The following KIF1A variants were observed in gnomAD, a reference collection of about 807,000 sequenced individuals.
The protein encoded by KIF1A is kinesin family member 1A, also known as kinesin-like protein KIF1A.
Under a neutral mutation model 227.3 loss-of-function variants are expected in KIF1A, and 46 were observed. The observed-to-expected ratio is 0.20, with a 90% CI of 0.16 to 0.26. The LOEUF (loss-of-function observed/expected upper bound fraction) is 0.26. KIF1A is among the 10% of genes least tolerant of loss of function. The probability of loss-of-function intolerance (pLI) is 1.00; values close to 1 mark genes in which losing one functional copy is unlikely to be tolerated. For missense variants in KIF1A, 1,683 were observed against 2,485.9 expected (o/e 0.68, Z 6.87); for synonymous variants, 1,022 against 1,012.8 (o/e 1.01, Z -0.17).
Position 240,714,164 on chromosome 2 carries a change from C to T in KIF1A, c.*3200G>A, listed in dbSNP as rs1575504964. 6.6e-6 allele frequency: 1 copy of T among 152,496 alleles called. No homozygotes were observed. The highest frequency in any genetic ancestry group is 2.4e-5 in the African/African-American group (1 of 41,460). 9.4% of individuals were successfully genotyped at this position (152,496 alleles called of 1,614,324 possible). On this transcript the variant is annotated 3_prime_UTR_variant, in exon 49 of 49. Coordinates refer to ENST00000498729, the MANE Select transcript of KIF1A (RefSeq NM_001244008.2). ...CAGTAAACACCTGTGACATCAGCCC[C>T]ACCAGGGCCCCAGGTGCTGGGGACT...
In KIF1A at chr2:240,726,961, A is replaced by G; in HGVS notation, c.4008-21T>C. The G allele has an allele frequency of 6.7e-7, 1 of 1,483,388 alleles. No individual in the cohort carries two copies. The highest frequency in any genetic ancestry group is 9.3e-7 in the Non-Finnish European group (1 of 1,072,620). 91.9% of individuals were successfully genotyped at this position (1,483,388 alleles called of 1,614,324 possible). A position where few individuals can be genotyped will look rare whatever the true frequency, so the allele number is the denominator to read the frequency against. On this transcript the variant is annotated intron_variant, in intron 38 of 48. Transcript: ENST00000498729. The surrounding 1 kb of genome is among the most constrained non-coding windows in gnomAD (Gnocchi z 5.2). ...AGGTCCTGAAAGGAAGCAGAGACAA[A>G]GTAGAAGTTGATGGCGTGGGGGCTG...
chr2:240,725,396 G>C lies in KIF1A; in HGVS notation c.4131C>G (p.Asn1377Lys), dbSNP rs562072254. The stretch of plus-strand genomic sequence containing the variant: ...TGGTGACAACAGCCGGCTGGGTGCA[G>C]TTCTCCATCTGAGATAGGCGGGAGC... ...MTLSAYIEME[N>K]CTQPAVVTKD... The change falls in exon 40 of 49, where the codon AAC (asparagine) becomes AAG (lysine). Residue 1377 changes from asparagine (N) to lysine (K), a missense_variant. Physicochemically the swap from Asn to Lys is moderately conservative, Grantham distance 94. Coordinates refer to ENST00000498729, the MANE Select transcript of KIF1A (RefSeq NM_001244008.2). This position sits in a 1 kb window ranked among gnomAD's most constrained non-coding sequence, Gnocchi z 5.8. 9.3e-6 allele frequency: 15 copies of C among 1,612,368 alleles called. No homozygotes were observed. Among genetic ancestry groups the C allele is most frequent in the African/African-American group, 4.0e-5 (3 of 75,056 alleles).
At chr2:240,811,453 C>T (rs1462819608) in intron 1 of KIF1A, among the ~76,000 whole-genome samples, 2 of 152,202 alleles carry the variant, frequency 1.3e-5, no homozygotes, top group Non-Finnish European at 2.9e-5. Context: ...CACGTGGCCC[C>T]AAGGGTGGCC....
intron 11 of KIF1A, among the ~76,000 whole-genome samples, chr2:240,774,634 G>C (rs2052513831): frequency 1.3e-5 from 2 of 151,924 alleles, no homozygotes; most frequent in Admixed American, 6.5e-5. Context: ...TTTTTTTCAA[G>C]CACTTCTATC....
At chr2:240,720,211 T>C in intron 45 of KIF1A, 1 of 327,474 alleles carries the variant, frequency 3.1e-6, no homozygotes, top group Non-Finnish European at 5.6e-6. Context: ...TCCCAGTGGC[T>C]CTCCTGCCCC....
At chr2:240,798,255 C>A (rs2056621735) in intron 1 of KIF1A, among the ~76,000 whole-genome samples, 1 of 152,252 alleles carries the variant, frequency 6.6e-6, no homozygotes, top group African/African-American at 2.4e-5. Context: ...TGCCCCATCA[C>A]ACCCTTCACA....
In KIF1A at chr2:240,775,448, A is replaced by G. The variant is rs571983635; in HGVS notation, c.958+403T>C. ...ACTGCTCAGAACTCAGACGGAGAAG[A>G]GGAGGTTTATGGCAGCCCCTCAAAA... On this transcript the variant is annotated intron_variant, in intron 11 of 48. Transcript: ENST00000498729. The surrounding 1 kb of genome is among the most constrained non-coding windows in gnomAD (Gnocchi z 5.5). 2.0e-5 allele frequency among the ~76,000 whole-genome samples: 3 copies of G among 152,284 alleles called. No homozygotes were observed. The highest frequency in any genetic ancestry group is 4.4e-5 in the Non-Finnish European group (3 of 68,016).
At chr2:240,724,200 C>T (rs1448511121) in intron 40 of KIF1A, 164 bp from the exon 41 acceptor site, 9 of 673,078 alleles carry the variant, frequency 1.3e-5, no homozygotes, top group Non-Finnish European at 2.2e-5. Flanking sequence ...GAGTCCTCAT[C>T]CCAGACTCCC....
At chr2:240,756,810 C>A (rs1030730274) in intron 27 of KIF1A, among the ~76,000 whole-genome samples, 4 of 152,212 alleles carry the variant, frequency 2.6e-5, no homozygotes, top group African/African-American at 9.7e-5. Flanking sequence ...TCTGTCTCTT[C>A]TGGATGACAG....
intron 40 of KIF1A, chr2:240,724,617 C>G (rs1559478576): frequency 6.2e-6 from 1 of 161,696 alleles, no homozygotes; most frequent in Non-Finnish European, 1.3e-5. Flanking sequence ...GGGAGACCCA[C>G]TGAAGGTGGC....
chr2:240,748,114 C>T (rs1030870249), intron 28 of KIF1A, among the ~76,000 whole-genome samples: 21 of 152,230 alleles, frequency 1.4e-4, no homozygotes, highest in Admixed American at 9.8e-4. Flanking sequence ...GGCCTGGCGA[C>T]GCAGCCCAGG....
rs28631835 is a variant in KIF1A, at chr2:240,743,180, G to A, written c.3585-196C>T. On this transcript the variant is annotated intron_variant, in intron 33 of 48. Coordinates refer to ENST00000498729, the MANE Select transcript of KIF1A (RefSeq NM_001244008.2). ...CAGCTCCCACCCCAGAGGCCACAGG[G>A]AACCAGGGCAAGGGTCAAGCTCTGG... Among the ~76,000 whole-genome samples the A allele has an allele frequency of 0.035, 5,263 of 152,184 alleles. 128 individuals carry two copies. Among genetic ancestry groups the A allele is most frequent in the African/African-American group, 0.069 (2,870 of 41,532 alleles).
intron 1 of KIF1A, among the ~76,000 whole-genome samples, chr2:240,799,895 C>T (rs1165307439): frequency 1.3e-5 from 2 of 152,142 alleles, no homozygotes; most frequent in Non-Finnish European, 2.9e-5. Context: ...TTCCAGTTCT[C>T]CCCAAATTTA....
In KIF1A at chr2:240,788,046, CGT is replaced by C; in HGVS notation, c.363+3_363+4del. 8.5e-7 allele frequency: 1 copy of C among 1,173,796 alleles called. No homozygotes were observed. The highest frequency in any genetic ancestry group is 1.2e-6 in the Non-Finnish European group (1 of 827,396). The allele number at this position is 1,173,796 out of a possible 1,614,324, so 72.7% of individuals were successfully genotyped here. A position where few individuals can be genotyped will look rare whatever the true frequency, so the allele number is the denominator to read the frequency against. ...GGCTGCCCCCGCCCGCCCCCCGCTT[CGT>C]GCCTGTGGGATGATGCCCTGCTGGT... On this transcript the variant is annotated splice_donor_region_variant and intron_variant, in intron 4 of 48. Coordinates refer to ENST00000498729, the MANE Select transcript of KIF1A (RefSeq NM_001244008.2). The surrounding 1 kb of genome is among the most constrained non-coding windows in gnomAD (Gnocchi z 6.6).
intron 2 of KIF1A, among the ~76,000 whole-genome samples, chr2:240,795,628 T>G (rs1364664058): frequency 6.6e-6 from 1 of 152,198 alleles, no homozygotes; most frequent in African/African-American, 2.4e-5. Context: ...ACCTCCAGGC[T>G]GTACCCTCCC....
chr2:240,776,090 T>C (rs1419217978), intron 10 of KIF1A, among the ~76,000 whole-genome samples, 164 bp from the exon 11 acceptor site: 1 of 152,184 alleles, frequency 6.6e-6, no homozygotes, highest in Non-Finnish European at 1.5e-5. Context: ...GGCCTCTCCC[T>C]GCCCAGACCC....
chr2:240,736,974 G>T lies in KIF1A; in HGVS notation c.4007+89C>A. On this transcript the variant is annotated intron_variant, in intron 38 of 48. Coordinates refer to ENST00000498729, the MANE Select transcript of KIF1A (RefSeq NM_001244008.2). This position sits in a 1 kb window ranked among gnomAD's most constrained non-coding sequence, Gnocchi z 4.7. ...GGGAGAGCGTTGAGCGGGTCACCTT[G>T]TGTGGCTGAACCCTGTGCCGGGTTG... 1 of 1,073,412 alleles carries T rather than the reference G, an allele frequency of 9.3e-7. No homozygotes were observed. The highest frequency in any genetic ancestry group is 1.4e-6 in the Non-Finnish European group (1 of 695,044). The allele number at this position is 1,073,412 out of a possible 1,614,324, so 66.5% of individuals were successfully genotyped here.
At chr2:240,727,028 G>A (rs2046092625) in intron 38 of KIF1A, 88 bp from the exon 39 acceptor site, 2 of 769,282 alleles carry the variant, frequency 2.6e-6, no homozygotes, top group African/African-American at 1.7e-5. Context: ...CAGAGCGACA[G>A]ACAAGGGGCA....
intron 1 of KIF1A, among the ~76,000 whole-genome samples, chr2:240,816,171 T>G (rs1575683379): frequency 6.6e-6 from 1 of 151,944 alleles, no homozygotes; most frequent in African/African-American, 2.4e-5. Context: ...TGTGTGTGTC[T>G]ATCTGCATGC....
Sources: gnomAD v4.1 joint callset for allele counts (sites outside exome capture counted in the v4.1 genomes callset) on GRCh38, gnomAD v4.1.1 for gene constraint, Gnocchi (gnomAD v3.1) non-coding constraint, MANE v1.5 for transcripts, NCBI Gene and HGNC (gene_info 2026-07-23, HGNC 2026-07-21) for gene names.